The following KCNIP4 variants were observed in gnomAD, a reference collection of about 807,000 sequenced individuals.
The protein encoded by KCNIP4 is potassium voltage-gated channel interacting protein 4.
In KCNIP4, 12 loss-of-function variants were observed where a neutral mutation model predicts 34.0. The ratio of observed to expected loss-of-function variants is 0.35; its 90% CI spans 0.23 to 0.57. The LOEUF (loss-of-function observed/expected upper bound fraction) is 0.57. Ranked by LOEUF, KCNIP4 falls within the 20% of genes least tolerant of loss-of-function variation. The probability of loss-of-function intolerance (pLI) is 0.83; values close to 1 mark genes in which losing one functional copy is unlikely to be tolerated. For missense variants in KCNIP4, 238 were observed against 311.7 expected, an observed-to-expected ratio of 0.76 and a Z score of 1.78; for synonymous variants, 124 against 102.2, an observed-to-expected ratio of 1.21 and a Z score of -1.29.
intron 1 of KCNIP4, among the ~76,000 whole-genome samples, chr4:21,345,204 T>C (rs1269540210): frequency 6.6e-6 from 1 of 152,088 alleles, no homozygotes; most frequent in Non-Finnish European, 1.5e-5. Context: ...CCAGCTGCCA[T>C]GCATGAGGAT....
intron 3 of KCNIP4, among the ~76,000 whole-genome samples, chr4:20,772,208 C>T (rs565443886): frequency 1.3e-5 from 2 of 152,240 alleles, no homozygotes; most frequent in African/African-American, 4.8e-5. Flanking sequence ...AAGGTGAGTG[C>T]ACCTGCGGGG....
chr4:20,834,241 G>T (rs1349488289), intron 3 of KCNIP4, among the ~76,000 whole-genome samples: 1 of 152,160 alleles, frequency 6.6e-6, no homozygotes, highest in Non-Finnish European at 1.5e-5. Context: ...GAGATCCCAT[G>T]GCCCTGCCTA....
At chr4:21,526,428 T>C (rs1735980511) in intron 1 of KCNIP4, among the ~76,000 whole-genome samples, 1 of 152,132 alleles carries the variant, frequency 6.6e-6, no homozygotes, top group Non-Finnish European at 1.5e-5. Flanking sequence ...TCTTTATAAA[T>C]TATGCAGTCT....
At chr4:21,071,166 C>G (rs1478258359) in intron 1 of KCNIP4, among the ~76,000 whole-genome samples, 1 of 152,146 alleles carries the variant, frequency 6.6e-6, no homozygotes, top group South Asian at 2.1e-4. Context: ...TAAGAACTCA[C>G]AAGTCCCAGG....
rs991219981 is a variant in KCNIP4, at chr4:21,815,271, A to G, written c.61+133300T>C. Among the ~76,000 whole-genome samples the G allele has an allele frequency of 2.6e-5, 4 of 152,300 alleles. No homozygotes were observed. The East Asian group carries it at 7.7e-4, about 29-fold the overall frequency. On this transcript the variant is annotated intron_variant, in intron 1 of 8. Coordinates refer to ENST00000382152, the MANE Select transcript of KCNIP4 (RefSeq NM_025221.6). ...GGGGATAAAAATTGTCTTTTGTGAG[A>G]ATCAAATGTGCTAATATAAAATGAA...
At chr4:21,347,528 CAG>C (rs1220726045) in intron 1 of KCNIP4, among the ~76,000 whole-genome samples, 1 of 152,164 alleles carries the variant, frequency 6.6e-6, no homozygotes, top group Non-Finnish European at 1.5e-5. Context: ...TGATGTGAAG[CAG>C]AGCTAGGGAG....
intron 1 of KCNIP4, among the ~76,000 whole-genome samples, chr4:21,578,376 A>C (rs1740926081): frequency 6.6e-6 from 1 of 150,548 alleles, no homozygotes; most frequent in Admixed American, 6.6e-5. Flanking sequence ...TGCTAGCTAA[A>C]TGTGAATTTC....
At chr4:21,579,050 C>A (rs73252260) in intron 1 of KCNIP4, among the ~76,000 whole-genome samples, 9,928 of 152,122 alleles carry the variant, frequency 0.065, 483 homozygotes, top group African/African-American at 0.13. Context: ...ACTTAAAGAA[C>A]CTGACATTGG....
chr4:21,033,379 T>C (rs1741173743), intron 1 of KCNIP4, among the ~76,000 whole-genome samples: 1 of 152,190 alleles, frequency 6.6e-6, no homozygotes, highest in African/African-American at 2.4e-5. Flanking sequence ...ATTTTGACCA[T>C]CATTAATAAG....
chr4:21,714,941 T>C lies in KCNIP4; in HGVS notation c.61+233630A>G. On this transcript the variant is annotated intron_variant, in intron 1 of 8. Coordinates refer to ENST00000382152, the MANE Select transcript of KCNIP4 (RefSeq NM_025221.6). ...TTTATTTTATTTTATTTTATTTTAT[T>C]TTATTTTATTTTATTTTATTTTATT... 8.7e-3 allele frequency among the ~76,000 whole-genome samples: 2 copies of C among 230 alleles called. 1 individual carries two copies. The highest frequency in any genetic ancestry group is 0.013 in the Non-Finnish European group (2 of 158). 0.2% of individuals were successfully genotyped at this position (230 alleles called of 152,430 possible).
chr4:21,631,709 GA>G (rs1202447603), intron 1 of KCNIP4, among the ~76,000 whole-genome samples: 2 of 152,032 alleles, frequency 1.3e-5, no homozygotes, highest in African/African-American at 4.8e-5. Context: ...CCATATTCTG[GA>G]CCAATTGTGC....
Position 21,197,756 on chromosome 4 carries a change from C to T in KCNIP4, c.62-315047G>A, listed in dbSNP as rs117298596. 6.7e-3 allele frequency among the ~76,000 whole-genome samples: 1,018 copies of T among 152,046 alleles called. 28 individuals are homozygous for T. The East Asian group carries it at 0.088, about 13-fold the overall frequency. ...ATGTATTAAACTGTGACTATCCTACCGTTAGAAACAATAAGAAAAATACTC... is the reference window on the plus strand; with the variant it reads ...ATGTATTAAACTGTGACTATCCTACTGTTAGAAACAATAAGAAAAATACTC... On this transcript the variant is annotated intron_variant, in intron 1 of 8. Coordinates refer to ENST00000382152, the MANE Select transcript of KCNIP4 (RefSeq NM_025221.6).
At chr4:21,420,882 C>A (rs1725395193) in intron 1 of KCNIP4, among the ~76,000 whole-genome samples, 1 of 152,100 alleles carries the variant, frequency 6.6e-6, no homozygotes, top group South Asian at 2.1e-4. Context: ...AAAATATTTG[C>A]AAACCATTTG....
At chr4:21,425,589 T>C (rs1057270801) in intron 1 of KCNIP4, among the ~76,000 whole-genome samples, 2 of 152,212 alleles carry the variant, frequency 1.3e-5, no homozygotes, top group African/African-American at 2.4e-5. Flanking sequence ...ATATTCAAAT[T>C]ACATATTTGA....
intron 1 of KCNIP4, among the ~76,000 whole-genome samples, chr4:21,779,108 A>G (rs1021907104): frequency 6.6e-6 from 1 of 151,982 alleles, no homozygotes; most frequent in Non-Finnish European, 1.5e-5. Context: ...ACCATAAGGG[A>G]TTCCACTGTG....
intron 1 of KCNIP4, among the ~76,000 whole-genome samples, chr4:21,058,143 C>T (rs987652589): frequency 6.6e-6 from 1 of 152,080 alleles, no homozygotes; most frequent in Non-Finnish European, 1.5e-5. Flanking sequence ...TTTTGGGTTT[C>T]TTCTCTCTCT....
chr4:21,915,428 T>C (rs1364552366), intron 1 of KCNIP4, among the ~76,000 whole-genome samples: 1 of 152,232 alleles, frequency 6.6e-6, no homozygotes, highest in Non-Finnish European at 1.5e-5. Context: ...ACAACTCCAG[T>C]AGATAAGCAT....
chr4:21,700,677 ACCAATGTCCTGAAG>A (rs945094432), intron 1 of KCNIP4, among the ~76,000 whole-genome samples: 1 of 152,062 alleles, frequency 6.6e-6, no homozygotes, highest in African/African-American at 2.4e-5. Flanking sequence ...CATTGTCCAT[ACCAATGTCCTGAAG>A]CTTTTCTCCT....
intron 1 of KCNIP4, among the ~76,000 whole-genome samples, chr4:21,836,294 A>G (rs890723834): frequency 1.4e-5 from 2 of 147,498 alleles, no homozygotes; most frequent in African/African-American, 5.4e-5. Context: ...TTCTTTAGAC[A>G]CCCTGGGAAA....
Sources: gnomAD v4.1 joint callset for allele counts (sites outside exome capture counted in the v4.1 genomes callset) on GRCh38, gnomAD v4.1.1 for gene constraint, MANE v1.5 for transcripts, NCBI Gene and HGNC (gene_info 2026-07-23, HGNC 2026-07-21) for gene names.